ADGRA2: variants seen among roughly 807,000 people sequenced by gnomAD.
ADGRA2 encodes the protein G-protein coupled receptor 124.
In ADGRA2, 61 loss-of-function variants were observed where a neutral mutation model predicts 98.7. The observed-to-expected ratio is 0.62, with a 90% CI of 0.50 to 0.76. The LOEUF (loss-of-function observed/expected upper bound fraction) is 0.76, where lower values mean the gene tolerates loss of function less well. Among genes scored for constraint, ADGRA2 ranks in the 30% least tolerant of loss-of-function variants. The probability of loss-of-function intolerance (pLI) is 0.00; values close to 1 mark genes in which losing one functional copy is unlikely to be tolerated. For synonymous variants in ADGRA2, 858 were observed against 831.5 expected, an observed-to-expected ratio of 1.03 and a Z score of -0.55; for missense variants, 1,712 against 1,860.0, an observed-to-expected ratio of 0.92 and a Z score of 1.46.
intron 2 of ADGRA2, among the ~76,000 whole-genome samples, chr8:37,826,033 G>A (rs560062284): frequency 3.3e-5 from 5 of 152,284 alleles, no homozygotes; most frequent in South Asian, 4.1e-4. Flanking sequence ...GGGCCTGGAC[G>A]CCGCCTCGCT....
intron 1 of ADGRA2, among the ~76,000 whole-genome samples, chr8:37,806,054 C>G (rs920229670): frequency 4.6e-5 from 7 of 152,020 alleles, no homozygotes; most frequent in Non-Finnish European, 8.8e-5. Flanking sequence ...TGGCTCCCCC[C>G]GGGGGGCTTT....
intron 2 of ADGRA2, among the ~76,000 whole-genome samples, chr8:37,822,892 CTT>C (rs1279274845): frequency 1.3e-4 from 18 of 139,258 alleles, no homozygotes; most frequent in Admixed American, 2.9e-4. Flanking sequence ...GTGGATACTA[CTT>C]TTTTTTTTTT....
In ADGRA2 at chr8:37,839,484, A is replaced by T. The variant is rs778570131; in HGVS notation, c.2388-15A>T. On this transcript the variant is annotated splice_polypyrimidine_tract_variant and intron_variant, in intron 15 of 18. Transcript: ENST00000412232. Reference sequence around the variant, plus strand: ...TGGGTTGGACGGCCATTAATTCGAGACTGTTTCCGGGCAGCTCCATCCGTG... The same window carrying T: ...TGGGTTGGACGGCCATTAATTCGAGTCTGTTTCCGGGCAGCTCCATCCGTG... 2 of 1,613,648 alleles carry T rather than the reference A, an allele frequency of 1.2e-6. No individual in the cohort carries two copies. Among genetic ancestry groups the T allele is most frequent in the Non-Finnish European group, 1.7e-6 (2 of 1,179,916 alleles).
intron 2 of ADGRA2, among the ~76,000 whole-genome samples, chr8:37,815,956 G>A (rs1198782357): frequency 6.6e-6 from 1 of 152,114 alleles, no homozygotes; most frequent in East Asian, 1.9e-4. Context: ...CTCTCATCCT[G>A]CTAGGCGTTC....
At position 37,839,053 on chromosome 8, in the gene ADGRA2, C is replaced by T; in HGVS notation, c.2357C>T (p.Ala786Val). 1 of 1,609,464 alleles carries T rather than the reference C, an allele frequency of 6.2e-7. No individual in the cohort carries two copies. Among genetic ancestry groups the T allele is most frequent in the Non-Finnish European group, 8.5e-7 (1 of 1,177,650 alleles). Residue 786 changes from alanine (A) to valine (V), a missense_variant, in exon 15 of 19, where the codon GCC becomes GTC. Transcript: ENST00000412232. ...GCCTTGCTGCTGCTCTGCCTCTTCG[C>T]CACCATCATCACCTACATCCTCAAC... ...CTALLLLCLF[A>V]TIITYILNHS...
At position 37,842,244 on chromosome 8, in the gene ADGRA2, A is replaced by T. The variant is rs1805827211; in HGVS notation, c.3906A>T (p.Leu1302=). The change falls in exon 19 of 19, where the codon CTA becomes CTT. Residue 1302 remains leucine, a synonymous_variant. Coordinates refer to ENST00000412232, the MANE Select transcript of ADGRA2 (RefSeq NM_032777.10). The part of the protein sequence containing the change: ...RRSYPLNAAS[L]NGAPKGGKYD... Reference sequence around the variant, plus strand: ...CGTACCCGCTCAACGCCGCCAGCCTAAACGGCGCCCCCAAGGGGGGCAAGT... The same window carrying T: ...CGTACCCGCTCAACGCCGCCAGCCTTAACGGCGCCCCCAAGGGGGGCAAGT... The T allele has an allele frequency of 1.3e-6, 2 of 1,555,178 alleles. No individual in the cohort carries two copies. The highest frequency in any genetic ancestry group is 4.8e-5 in the East Asian group (2 of 41,246).
Position 37,821,288 on chromosome 8 carries a change from G to A in ADGRA2, c.338+6321G>A, listed in dbSNP as rs1805117718. Reference sequence around the variant, plus strand: ...ATGAGGAATTGTTACAGGAACAGAGGAAGAGTTCCTTACACAGAACGCATG... The same window carrying A: ...ATGAGGAATTGTTACAGGAACAGAGAAAGAGTTCCTTACACAGAACGCATG... On this transcript the variant is annotated intron_variant, in intron 2 of 18. Transcript: ENST00000412232. Among the ~76,000 whole-genome samples, 3 of 152,308 alleles carry A rather than the reference G, an allele frequency of 2.0e-5. No individual in the cohort carries two copies. In the South Asian group the frequency reaches 6.2e-4, roughly 32 times the overall value.
At position 37,829,505 on chromosome 8, in the gene ADGRA2, T is replaced by G. The variant is rs756557477; in HGVS notation, c.500T>G (p.Ile167Ser). Residue 167 changes from isoleucine (I) to serine (S), a missense_variant, in exon 5 of 19, where the codon ATC (isoleucine) becomes AGC (serine). Ile to Ser is a moderately radical substitution (Grantham distance 142, BLOSUM62 -2). Coordinates refer to ENST00000412232, the MANE Select transcript of ADGRA2 (RefSeq NM_032777.10). ...CCCTGCAGAAACATATCTGGAAACA[T>G]CTTCTCCAGTCTGCAACCTGGGGTC... ...RLLRLNISGN[I>S]FSSLQPGVFD... The G allele has an allele frequency of 6.2e-7, 1 of 1,613,264 alleles. No individual in the cohort carries two copies. The highest frequency in any genetic ancestry group is 8.5e-7 in the Non-Finnish European group (1 of 1,179,268).
intron 1 of ADGRA2, among the ~76,000 whole-genome samples, chr8:37,806,215 T>C (rs1006174755): frequency 2.0e-5 from 3 of 152,178 alleles, no homozygotes; most frequent in African/African-American, 7.2e-5. Context: ...TTTGCAGATA[T>C]GTGATGTATG....
In ADGRA2 at chr8:37,828,923, C is replaced by A; in HGVS notation, c.374C>A (p.Pro125Gln). The change falls in exon 3 of 19, where the codon CCG (proline) becomes CAG (glutamine). Residue 125 changes from proline to glutamine, a missense_variant. By Grantham distance (76) the Pro-to-Gln change is moderately conservative. Coordinates refer to ENST00000412232, the MANE Select transcript of ADGRA2 (RefSeq NM_032777.10). ...AACAACATCATCAGCACAGTGCAGC[C>A]GGGCGCCTTCCTGGGCCTGGGGGAG... is the stretch of plus-strand genomic sequence containing the variant. ...LRNNIISTVQ[P>Q]GAFLGLGELK... The A allele has an allele frequency of 6.3e-7, 1 of 1,591,446 alleles. No individual in the cohort carries two copies. The highest frequency in any genetic ancestry group is 8.5e-7 in the Non-Finnish European group (1 of 1,170,240).
intron 1 of ADGRA2, among the ~76,000 whole-genome samples, chr8:37,801,574 T>C (rs1340593934): frequency 6.6e-6 from 1 of 152,122 alleles, no homozygotes; most frequent in Non-Finnish European, 1.5e-5. Flanking sequence ...TGTAGATAAC[T>C]CCAGAAGGAA....
chr8:37,797,479 G>T lies in ADGRA2; in HGVS notation c.211G>T (p.Gly71Trp), dbSNP rs757868520. ...TCGGCGGAGGGTGGTGTGCAGCGGC[G>T]GGGACCTCCCGGAGCCTCCCGAGCC... Reference protein sequence around the residue: ...PARRRVVCSGGDLPEPPEPGL... With the variant: ...PARRRVVCSGWDLPEPPEPGL... The change falls in exon 1 of 19, where the codon GGG (glycine) becomes TGG (tryptophan). Residue 71 changes from glycine (G) to tryptophan (W), a missense_variant. Physicochemically the swap from Gly to Trp is radical, Grantham distance 184. Coordinates refer to ENST00000412232, the MANE Select transcript of ADGRA2 (RefSeq NM_032777.10). The surrounding 1 kb of genome is among the most constrained non-coding windows in gnomAD (Gnocchi z 5.3). 1.2e-5 allele frequency: 17 copies of T among 1,419,732 alleles called. No individual in the cohort carries two copies. The highest frequency in any genetic ancestry group is 1.5e-5 in the African/African-American group (1 of 67,616). 87.9% of individuals were successfully genotyped at this position (1,419,732 alleles called of 1,614,324 possible).
Position 37,814,839 on chromosome 8 carries a change from C to G in ADGRA2, c.267-57C>G. On this transcript the variant is annotated intron_variant, in intron 1 of 18. Coordinates refer to ENST00000412232, the MANE Select transcript of ADGRA2 (RefSeq NM_032777.10). The surrounding 1 kb of genome is among the most constrained non-coding windows in gnomAD (Gnocchi z 4.3). ...AAGCTGGCCCCACCAGTGGTGAAAGCGGATGCCCAGCACATAACAGCACCT... is the reference window on the plus strand; with the variant it reads ...AAGCTGGCCCCACCAGTGGTGAAAGGGGATGCCCAGCACATAACAGCACCT... 7.6e-7 allele frequency: 1 copy of G among 1,310,536 alleles called. No homozygotes were observed. The highest frequency in any genetic ancestry group is 1.1e-6 in the Non-Finnish European group (1 of 904,460). The allele number at this position is 1,310,536 out of a possible 1,614,324, so 81.2% of individuals were successfully genotyped here.
intron 2 of ADGRA2, among the ~76,000 whole-genome samples, chr8:37,824,529 T>C (rs912857497): frequency 6.7e-6 from 1 of 150,328 alleles, no homozygotes; most frequent in Non-Finnish European, 1.5e-5. Flanking sequence ...GTTTTGCTCT[T>C]GTTGCCCAGG....
chr8:37,830,565 C>T lies in ADGRA2; in HGVS notation c.719-145C>T. 1.6e-6 allele frequency: 1 copy of T among 630,558 alleles called. No individual in the cohort carries two copies. The highest frequency in any genetic ancestry group is 2.8e-6 in the Non-Finnish European group (1 of 355,854). The allele number at this position is 630,558 out of a possible 1,614,324, so 39.1% of individuals were successfully genotyped here. A position where few individuals can be genotyped will look rare whatever the true frequency, so the allele number is the denominator to read the frequency against. ...TTACCCTTACCCCTAGAGACTTTCT[C>T]TTGACCCCTTTTCCTTCCCAGCTGG... On this transcript the variant is annotated intron_variant, in intron 6 of 18. Transcript: ENST00000412232. The surrounding 1 kb of genome is among the most constrained non-coding windows in gnomAD (Gnocchi z 4.8).
chr8:37,823,678 C>T (rs1805188974), intron 2 of ADGRA2, among the ~76,000 whole-genome samples: 1 of 152,176 alleles, frequency 6.6e-6, no homozygotes, highest in South Asian at 2.1e-4. Flanking sequence ...ACATTCCCAC[C>T]AGTAATGTGT....
intron 1 of ADGRA2, among the ~76,000 whole-genome samples, chr8:37,812,614 G>A (rs748332183): frequency 3.3e-5 from 5 of 152,054 alleles, no homozygotes; most frequent in Admixed American, 1.3e-4. Context: ...GCAACAGAGC[G>A]AGACTCCGTC....
intron 14 of ADGRA2, among the ~76,000 whole-genome samples, chr8:37,838,418 A>C (rs1016599194): frequency 1.3e-5 from 2 of 151,758 alleles, no homozygotes; most frequent in African/African-American, 4.8e-5. Context: ...TGCCCGGCTA[A>C]TTTTTTGTAT....
chr8:37,838,748 G>A (rs969552869), intron 14 of ADGRA2, among the ~76,000 whole-genome samples: 5 of 152,172 alleles, frequency 3.3e-5, no homozygotes, highest in African/African-American at 1.2e-4. Context: ...CAGCAAAGCA[G>A]GACTGGAGGC....
Sources: allele counts gnomAD v4.1 joint callset (sites outside exome capture counted in the v4.1 genomes callset), GRCh38; gene constraint gnomAD v4.1.1; non-coding constraint Gnocchi (gnomAD v3.1); transcripts MANE v1.5; gene names NCBI Gene and HGNC (gene_info 2026-07-23, HGNC 2026-07-21).